Variants in SGCD observed in about 807,000 individuals in gnomAD.
SGCD encodes sarcoglycan delta, also known as delta-sarcoglycan.
A neutral mutation model predicts 36.6 loss-of-function variants in SGCD; 18 were observed. That is an observed-to-expected ratio of 0.49 (90% CI 0.34 to 0.73). The LOEUF (loss-of-function observed/expected upper bound fraction) is 0.73, where lower values mean the gene tolerates loss of function less well. SGCD is among the 30% of genes least tolerant of loss of function. SGCD has a pLI of 0.01. For missense variants in SGCD, 387 were observed against 346.7 expected (o/e 1.12, Z -0.92); for synonymous variants, 133 against 130.6 (o/e 1.02, Z -0.12).
chr5:156,505,562 A>G (rs1411508169), intron 3 of SGCD, among the ~76,000 whole-genome samples: 2 of 152,174 alleles, frequency 1.3e-5, no homozygotes. Flanking sequence ...TGTGCAAACT[A>G]GAGACTGTAT....
intron 3 of SGCD, among the ~76,000 whole-genome samples, chr5:156,467,714 C>A (rs750699466): frequency 1.3e-5 from 2 of 152,222 alleles, no homozygotes; most frequent in East Asian, 3.8e-4. Context: ...ATTGGAAGGG[C>A]AGGCAAATCT....
intron 1 of SGCD, among the ~76,000 whole-genome samples, chr5:155,945,930 GACAGT>G (rs981520628): frequency 6.6e-6 from 1 of 152,210 alleles, no homozygotes; most frequent in African/African-American, 2.4e-5. Context: ...GTTCAAGTGG[GACAGT>G]ACAGTTCAGA....
intron 3 of SGCD, among the ~76,000 whole-genome samples, chr5:156,419,526 C>T (rs1401683953): frequency 6.6e-6 from 1 of 152,096 alleles, no homozygotes; most frequent in African/African-American, 2.4e-5. Flanking sequence ...TACAGCACTG[C>T]CACTCAGAAT....
At chr5:156,012,890 GC>G (rs933846910) in intron 1 of SGCD, among the ~76,000 whole-genome samples, 4 of 151,336 alleles carry the variant, frequency 2.6e-5, no homozygotes, top group African/African-American at 9.7e-5. Flanking sequence ...ACAGGCGTGA[GC>G]CACCGCGCCC....
At chr5:155,823,324 G>T in the SGCD span, among the ~76,000 whole-genome samples, 2 of 145,800 alleles carry the variant, frequency 1.4e-5, no homozygotes, top group African/African-American at 2.5e-5. Flanking sequence ...AAAAAAAAAA[G>T]GTCGGGGGGT....
intron 3 of SGCD, among the ~76,000 whole-genome samples, chr5:156,371,589 G>C (rs1580887768): frequency 6.6e-6 from 1 of 152,300 alleles, no homozygotes; most frequent in East Asian, 1.9e-4. Flanking sequence ...AGAGAGGTGA[G>C]AAGTAAGCCC....
intron 6 of SGCD, among the ~76,000 whole-genome samples, chr5:156,618,655 C>T (rs997403922): frequency 6.6e-6 from 1 of 150,850 alleles, no homozygotes; most frequent in Non-Finnish European, 1.5e-5. Context: ...CCTAGTAGCG[C>T]GCATTCACCC....
chr5:156,677,005 C>T (rs56028560), intron 7 of SGCD, among the ~76,000 whole-genome samples: 2 of 152,176 alleles, frequency 1.3e-5, no homozygotes, highest in African/African-American at 4.8e-5. Context: ...TACCATCAGT[C>T]TATTTCCTTT....
chr5:156,268,278 T>C (rs905060324), intron 3 of SGCD, among the ~76,000 whole-genome samples: 2 of 152,232 alleles, frequency 1.3e-5, no homozygotes, highest in Non-Finnish European at 2.9e-5. Flanking sequence ...CTATTGTGAA[T>C]AGTTCTGCAG....
At chr5:155,930,074 G>A (rs1477873624) in intron 1 of SGCD, among the ~76,000 whole-genome samples, 1 of 152,118 alleles carries the variant, frequency 6.6e-6, no homozygotes, top group East Asian at 1.9e-4. Context: ...TGTTTTGAGG[G>A]TATGTGATAC....
intron 1 of SGCD, among the ~76,000 whole-genome samples, chr5:155,978,635 C>T (rs1006680753): frequency 2.0e-5 from 3 of 152,228 alleles, no homozygotes; most frequent in Non-Finnish European, 4.4e-5. Flanking sequence ...TAGACTTAGT[C>T]CTCGCCAGAT....
chr5:156,227,731 T>G (rs544970486), intron 3 of SGCD, among the ~76,000 whole-genome samples: 14 of 152,270 alleles, frequency 9.2e-5, no homozygotes, highest in African/African-American at 3.1e-4. Flanking sequence ...GGTGCAACGT[T>G]AGATTGTCTG....
At chr5:156,166,977 C>G (rs549091751) in intron 3 of SGCD, among the ~76,000 whole-genome samples, 6 of 152,262 alleles carry the variant, frequency 3.9e-5, no homozygotes, top group African/African-American at 1.4e-4. Context: ...ATTCTCCATT[C>G]TGACCTTTTT....
the SGCD span, among the ~76,000 whole-genome samples, chr5:155,832,248 G>T: frequency 6.6e-6 from 1 of 152,138 alleles, no homozygotes; most frequent in African/African-American, 2.4e-5. Context: ...GTCACTGGAG[G>T]TATTCAGGAA....
the SGCD span, among the ~76,000 whole-genome samples, chr5:155,819,659 G>C: frequency 6.6e-6 from 1 of 152,178 alleles, no homozygotes; most frequent in African/African-American, 2.4e-5. Flanking sequence ...GGCAAAGCCA[G>C]AATTTGAACC....
At chr5:156,738,552 G>A (rs903548161) in intron 7 of SGCD, 2 of 152,232 alleles carry the variant, frequency 1.3e-5, no homozygotes, top group Non-Finnish European at 2.9e-5. Context: ...TAGCATGGAA[G>A]AAGAATGGAC....
chr5:156,175,410 GA>G (rs11365644), intron 3 of SGCD, among the ~76,000 whole-genome samples: 37,848 of 149,794 alleles, frequency 0.25, 5,149 homozygotes, highest in East Asian at 0.59. Context: ...ACTCTACTTA[GA>G]AAAAAAAAAT....
intron 3 of SGCD, among the ~76,000 whole-genome samples, chr5:156,316,128 T>C (rs1767513175): frequency 6.6e-6 from 1 of 151,916 alleles, no homozygotes; most frequent in East Asian, 1.9e-4. Context: ...CATAAAGTTA[T>C]AGGATGCAAA....
intron 1 of SGCD, among the ~76,000 whole-genome samples, chr5:155,922,106 TACTA>T (rs1756890711): frequency 1.3e-5 from 2 of 152,234 alleles, no homozygotes; most frequent in African/African-American, 4.8e-5. Flanking sequence ...CATTTGAAAA[TACTA>T]ACTAGCTCTA....
Sources: gnomAD v4.1 joint callset for allele counts (sites outside exome capture counted in the v4.1 genomes callset) on GRCh38, gnomAD v4.1.1 for gene constraint, MANE v1.5 for transcripts, NCBI Gene and HGNC (gene_info 2026-07-23, HGNC 2026-07-21) for gene names.